TGFA: variants seen among roughly 807,000 people sequenced by gnomAD.
TGFA encodes protransforming growth factor alpha.
In TGFA, 12 loss-of-function variants were observed where a neutral mutation model predicts 21.7. That is an observed-to-expected ratio of 0.55 (90% CI 0.35 to 0.90). TGFA has a LOEUF of 0.90. TGFA is among the 40% of genes least tolerant of loss of function. The pLI is 0.01. For synonymous variants in TGFA, 79 were observed against 88.1 expected (o/e 0.90, Z 0.58); for missense variants, 178 against 210.8 (o/e 0.84, Z 0.96).
intron 1 of TGFA, among the ~76,000 whole-genome samples, chr2:70,537,136 T>G (rs1415283010): frequency 6.6e-6 from 1 of 152,104 alleles, no homozygotes; most frequent in Non-Finnish European, 1.5e-5. Context: ...AGGTGCTCAG[T>G]GATCTTTGAT....
intron 2 of TGFA, among the ~76,000 whole-genome samples, chr2:70,511,879 T>A (rs547187058): frequency 2.0e-5 from 3 of 147,732 alleles, no homozygotes; most frequent in Non-Finnish European, 4.4e-5. Context: ...GTTTTACTTA[T>A]TAGTCATGAA....
chr2:70,527,248 C>T (rs781861759), intron 1 of TGFA, among the ~76,000 whole-genome samples: 1 of 152,204 alleles, frequency 6.6e-6, no homozygotes, highest in Non-Finnish European at 1.5e-5. Context: ...TACATTCATA[C>T]AATGGGATAT....
chr2:70,523,337 G>T (rs1036725855), intron 1 of TGFA, among the ~76,000 whole-genome samples: 9 of 152,298 alleles, frequency 5.9e-5, no homozygotes, highest in Middle Eastern at 3.4e-3. Flanking sequence ...TGTGAATGTT[G>T]TGTCCCAGGG....
chr2:70,542,971 C>T (rs1334750620), intron 1 of TGFA, among the ~76,000 whole-genome samples: 1 of 151,310 alleles, frequency 6.6e-6, no homozygotes, highest in East Asian at 2.0e-4. Flanking sequence ...GGCGTAGTGG[C>T]GGGCGCCTGT....
intron 1 of TGFA, among the ~76,000 whole-genome samples, chr2:70,535,792 T>C (rs1264639361): frequency 6.6e-6 from 1 of 152,252 alleles, no homozygotes; most frequent in Admixed American, 6.5e-5. Context: ...AGTGAATTGA[T>C]GTTGTTTTCC....
At chr2:70,549,665 C>G (rs1553506509) in intron 1 of TGFA, among the ~76,000 whole-genome samples, 2 of 152,166 alleles carry the variant, frequency 1.3e-5, no homozygotes, top group African/African-American at 4.8e-5. Flanking sequence ...GTTGCCCATC[C>G]CTTTTAGAGG....
intron 1 of TGFA, among the ~76,000 whole-genome samples, chr2:70,521,285 C>T (rs1229749651): frequency 1.3e-5 from 2 of 152,102 alleles, no homozygotes; most frequent in South Asian, 2.1e-4. Context: ...ACCTAAACTC[C>T]ACCCATTCCC....
chr2:70,501,227 A>C (rs35761300), intron 2 of TGFA, among the ~76,000 whole-genome samples: 29,210 of 151,926 alleles, frequency 0.19, 3,292 homozygotes, highest in Admixed American at 0.32. Context: ...ATTTTAAAGA[A>C]AAAATTTTTA....
chr2:70,472,333 C>T (rs111937678), intron 2 of TGFA, among the ~76,000 whole-genome samples: 3,317 of 152,266 alleles, frequency 0.022, 59 homozygotes, highest in South Asian at 0.033. Context: ...GACCTCATAT[C>T]GAGCCCACCA....
intron 2 of TGFA, among the ~76,000 whole-genome samples, chr2:70,490,537 C>A (rs140729371): frequency 6.6e-6 from 1 of 152,322 alleles, no homozygotes; most frequent in East Asian, 1.9e-4. Context: ...TACAGAGTTT[C>A]CTTTTACTCA....
chr2:70,510,434 C>T (rs1177949194), intron 2 of TGFA, among the ~76,000 whole-genome samples: 5 of 152,144 alleles, frequency 3.3e-5, no homozygotes, highest in Admixed American at 2.6e-4. Flanking sequence ...TCATCTCTAC[C>T]AATCCATCAG....
intron 2 of TGFA, among the ~76,000 whole-genome samples, chr2:70,495,090 C>T (rs1334564178): frequency 5.3e-5 from 8 of 152,150 alleles, no homozygotes; most frequent in African/African-American, 1.9e-4. Flanking sequence ...ATTTCAATCA[C>T]CTAGAACTTA....
intron 2 of TGFA, among the ~76,000 whole-genome samples, chr2:70,480,163 G>T (rs558403114): frequency 6.6e-6 from 1 of 152,354 alleles, no homozygotes; most frequent in South Asian, 2.1e-4. Flanking sequence ...ACACCAAAGA[G>T]TTTTCTCTTT....
At chr2:70,521,609 G>GTTGGTTTTTTT (rs1432347684) in intron 1 of TGFA, among the ~76,000 whole-genome samples, 3 of 78,876 alleles carry the variant, frequency 3.8e-5, no homozygotes, top group African/African-American at 1.5e-4. Flanking sequence ...TTTTGTTGTT[G>GTTGGTTTTTTT]TTTGTTTGTT....
chr2:70,470,347 A>G (rs1489130626), intron 2 of TGFA, among the ~76,000 whole-genome samples: 1 of 152,214 alleles, frequency 6.6e-6, no homozygotes, highest in Non-Finnish European at 1.5e-5. Context: ...AAGCTGAGGG[A>G]CAAATCTAAC....
At chr2:70,518,139 C>T (rs889716924) in intron 1 of TGFA, among the ~76,000 whole-genome samples, 9 of 152,260 alleles carry the variant, frequency 5.9e-5, no homozygotes, top group Non-Finnish European at 1.0e-4. Context: ...GCCACAGGCT[C>T]CTCCTGCCTA....
At chr2:70,553,270 G>A in intron 1 of TGFA, 2 of 1,534,918 alleles carry the variant, frequency 1.3e-6, no homozygotes, top group Non-Finnish European at 8.7e-7. Flanking sequence ...CTTAGAGGTG[G>A]GCAGGGGGTG....
chr2:70,485,223 C>A (rs973055181), intron 2 of TGFA, among the ~76,000 whole-genome samples: 3 of 152,138 alleles, frequency 2.0e-5, no homozygotes, highest in African/African-American at 4.8e-5. Context: ...AATTGATACG[C>A]CTACCTTCAC....
chr2:70,498,571 A>T (rs1215345890), intron 2 of TGFA, among the ~76,000 whole-genome samples: 1 of 151,932 alleles, frequency 6.6e-6, no homozygotes, highest in Non-Finnish European at 1.5e-5. Context: ...AGTGGAGGGG[A>T]GGGGAGGTAG....
Sources: allele counts gnomAD v4.1 joint callset (sites outside exome capture counted in the v4.1 genomes callset), GRCh38; gene constraint gnomAD v4.1.1; transcripts MANE v1.5; gene names NCBI Gene and HGNC (gene_info 2026-07-23, HGNC 2026-07-21).